SCN10A: variants seen among roughly 807,000 people sequenced by gnomAD.
SCN10A encodes the protein sodium voltage-gated channel alpha subunit 10.
In SCN10A, 162 loss-of-function variants were observed where a neutral mutation model predicts 170.7. The observed-to-expected ratio is 0.95, with a 90% CI of 0.84 to 1.08. The LOEUF is 1.08. Among genes scored for constraint, SCN10A ranks in the 50% least tolerant of loss-of-function variants. SCN10A has a pLI of 0.00. For synonymous variants in SCN10A, 985 were observed against 904.6 expected (o/e 1.09, Z -1.59); for missense variants, 2,527 against 2,436.9 (o/e 1.04, Z -0.78).
chr3:38,764,673 A>C (rs1374738369), intron 5 of SCN10A, among the ~76,000 whole-genome samples: 3 of 152,176 alleles, frequency 2.0e-5, no homozygotes, highest in Non-Finnish European at 4.4e-5. Flanking sequence ...TGCTGCTATA[A>C]GCATGCATAT....
intron 25 of SCN10A, 70 bp from the exon 26 acceptor site, chr3:38,707,453 G>A: frequency 6.7e-7 from 1 of 1,488,440 alleles, no homozygotes; most frequent in Non-Finnish European, 9.3e-7. Flanking sequence ...AGAACAGGCA[G>A]GAGAGAAAGG....
chr3:38,814,414 A>G (rs1424395231), intron 1 of SCN10A, among the ~76,000 whole-genome samples: 1 of 152,202 alleles, frequency 6.6e-6, no homozygotes, highest in Non-Finnish European at 1.5e-5. Flanking sequence ...TCACAAAAAA[A>G]GCTGAAGGTC....
rs200610228 is a variant in SCN10A, at chr3:38,722,242, C to T, written c.3507+16G>A. ...TATCTGGAGGATTTGGGGGCAGGGA[C>T]TATGCCTCCCCTTACCAGAGATCCA... On this transcript the variant is annotated intron_variant, in intron 20 of 27. Transcript: ENST00000449082. 1 of 1,610,470 alleles carries T rather than the reference C, an allele frequency of 6.2e-7. No individual in the cohort carries two copies. Among genetic ancestry groups the T allele is most frequent in the South Asian group, 1.1e-5 (1 of 90,516 alleles).
At chr3:38,794,935 C>T (rs550843290) in intron 1 of SCN10A, among the ~76,000 whole-genome samples, 1 of 152,230 alleles carries the variant, frequency 6.6e-6, no homozygotes, top group Non-Finnish European at 1.5e-5. Context: ...GCCTTCTTTC[C>T]TCCTTCCCTT....
chr3:38,779,047 A>G (rs1326455376), intron 4 of SCN10A, among the ~76,000 whole-genome samples: 1 of 151,594 alleles, frequency 6.6e-6, no homozygotes, highest in Non-Finnish European at 1.5e-5. Context: ...TATCTCAAAA[A>G]TTAAAATGTA....
intron 26 of SCN10A, among the ~76,000 whole-genome samples, chr3:38,706,502 C>G (rs568440721): frequency 6.6e-6 from 1 of 152,164 alleles, no homozygotes; most frequent in South Asian, 2.1e-4. Context: ...TCTTTGAAGA[C>G]GATCAACAAT....
intron 27 of SCN10A, among the ~76,000 whole-genome samples, chr3:38,701,339 G>A (rs529465857): frequency 6.6e-6 from 1 of 152,314 alleles, no homozygotes; most frequent in East Asian, 1.9e-4. Context: ...CAGTTGTGTA[G>A]AGATTTAATT....
intron 10 of SCN10A, among the ~76,000 whole-genome samples, 193 bp from the exon 11 acceptor site, chr3:38,756,151 C>T (rs944367415): frequency 2.0e-5 from 3 of 152,154 alleles, no homozygotes; most frequent in Non-Finnish European, 4.4e-5. Flanking sequence ...TCATGGGGTA[C>T]TCTGTTGGTG....
At chr3:38,761,494 A>G (rs558791009) in intron 6 of SCN10A, 111 bp from the exon 7 acceptor site, 31 of 922,060 alleles carry the variant, frequency 3.4e-5, no homozygotes, top group Non-Finnish European at 3.9e-5. Context: ...TGAAGTATGT[A>G]CACACTCCAG....
At chr3:38,746,266 T>A (rs888322359) in intron 13 of SCN10A, among the ~76,000 whole-genome samples, 1 of 151,482 alleles carries the variant, frequency 6.6e-6, no homozygotes, top group African/African-American at 2.4e-5. Context: ...TCCCCTAAAA[T>A]GCTCCCTTTA....
At chr3:38,731,287 A>T (rs577665609) in intron 15 of SCN10A, among the ~76,000 whole-genome samples, 1 of 152,362 alleles carries the variant, frequency 6.6e-6, no homozygotes, top group East Asian at 1.9e-4. Flanking sequence ...CAAATTTCAG[A>T]TAAACAAAGA....
rs533352974 is a variant in SCN10A at position 38,793,595 on chromosome 3, T to G, written c.270+146A>C. 4.0e-4 allele frequency: 230 copies of G among 574,552 alleles called. 3 individuals are homozygous for G. The South Asian group carries it at 4.5e-3, about 11-fold the overall frequency. The allele number at this position is 574,552 out of a possible 1,614,324, so 35.6% of individuals were successfully genotyped here. On this transcript the variant is annotated intron_variant, in intron 2 of 27. Transcript: ENST00000449082. ...AAGAGATCATCAAATAAGTTAGAGA[T>G]ATATATATATATTTTTTTTGGTTGT...
In SCN10A at chr3:38,793,804, C is replaced by T. The variant is rs1250491105; in HGVS notation, c.207G>A (p.Glu69=). 3 of 1,613,858 alleles carry T rather than the reference C, an allele frequency of 1.9e-6. No homozygotes were observed. In the African/African-American group the frequency reaches 4.0e-5, roughly 22 times the overall value. Residue 69 remains glutamate, a synonymous_variant, in exon 2 of 28, where the codon GAG becomes GAA. Coordinates refer to ENST00000449082, the MANE Select transcript of SCN10A (RefSeq NM_006514.4). ...ACNQLPKFYG[E]LPAELIGEPL... ...GCTCCCCGATCAGTTCTGCTGGGAG[C>T]TCACCATAGAACTTGGGCAGCTGGT...
intron 5 of SCN10A, among the ~76,000 whole-genome samples, chr3:38,769,122 A>G (rs2063968495): frequency 6.6e-6 from 1 of 150,512 alleles, no homozygotes; most frequent in African/African-American, 2.4e-5. Context: ...TTTTCTTTAT[A>G]TCTATTTCTC....
At chr3:38,810,258 T>C (rs1402734909) in intron 1 of SCN10A, among the ~76,000 whole-genome samples, 1 of 152,150 alleles carries the variant, frequency 6.6e-6, no homozygotes, top group Non-Finnish European at 1.5e-5. Context: ...CAGGTAGAAA[T>C]GGGTTTTGGG....
chr3:38,756,647 T>C (rs1459229243), intron 10 of SCN10A, 27 bp downstream of exon 10: 2 of 1,592,130 alleles, frequency 1.3e-6, no homozygotes, highest in Admixed American at 3.3e-5. Flanking sequence ...TGCAACCTTC[T>C]TCACAAAGCT....
rs921062511 is a variant in SCN10A, at chr3:38,698,707, A to G, written c.4658-145T>C. The G allele has an allele frequency of 5.6e-6, 4 of 719,794 alleles. No individual in the cohort carries two copies. In the African/African-American group the frequency reaches 7.2e-5, roughly 13 times the overall value. The allele number at this position is 719,794 out of a possible 1,614,324, so 44.6% of individuals were successfully genotyped here. A position where few individuals can be genotyped will look rare whatever the true frequency, so the allele number is the denominator to read the frequency against. On this transcript the variant is annotated intron_variant, in intron 27 of 27. Transcript: ENST00000449082. ...GGACTCTGGGCCCTCAGAGCCTGGC[A>G]TGGTAGGTAGCACAAAGTAGGGGCT...
chr3:38,718,591 G>C, intron 21 of SCN10A, 62 bp downstream of exon 21: 3 of 1,562,856 alleles, frequency 1.9e-6, no homozygotes, highest in Non-Finnish European at 2.6e-6. Context: ...CTTTGCCCTA[G>C]CTGTAGCCAG....
chr3:38,755,043 A>G (rs2063788633), intron 11 of SCN10A, among the ~76,000 whole-genome samples: 1 of 151,964 alleles, frequency 6.6e-6, no homozygotes, highest in Non-Finnish European at 1.5e-5. Flanking sequence ...TTAGAGTGGG[A>G]GGCAGAAAGT....
Sources: allele counts gnomAD v4.1 joint callset (sites outside exome capture counted in the v4.1 genomes callset), GRCh38; gene constraint gnomAD v4.1.1; transcripts MANE v1.5; gene names NCBI Gene and HGNC (gene_info 2026-07-23, HGNC 2026-07-21).